Variants in ZNF804B observed in about 807,000 individuals in gnomAD.
ZNF804B encodes the protein zinc finger protein 804B.
A neutral mutation model predicts 101.4 loss-of-function variants in ZNF804B; 80 were observed. That is an observed-to-expected ratio of 0.79 (90% CI 0.66 to 0.95). ZNF804B has a LOEUF of 0.95. Ranked by LOEUF, ZNF804B falls within the 40% of genes least tolerant of loss-of-function variation. ZNF804B has a pLI of 0.00. For synonymous variants in ZNF804B, 622 were observed against 558.8 expected, an observed-to-expected ratio of 1.11 and a Z score of -1.59; for missense variants, 1,673 against 1,561.9, an observed-to-expected ratio of 1.07 and a Z score of -1.20.
At position 89,005,912 on chromosome 7, in the gene ZNF804B, T is replaced by A. The variant is rs184828173; in HGVS notation, c.109-212243T>A. On this transcript the variant is annotated intron_variant, in intron 1 of 3. Coordinates refer to ENST00000333190, the MANE Select transcript of ZNF804B (RefSeq NM_181646.5). ...ATAAGTGGCAGTTCTCTACAAGACA[T>A]AATTAGTCTTTAATTTACAGAAGAA... Among the ~76,000 whole-genome samples the A allele has an allele frequency of 1.6e-4, 25 of 152,202 alleles. No homozygotes were observed. The East Asian group carries it at 4.8e-3, about 29-fold the overall frequency.
At chr7:89,174,765 C>G (rs560742531) in intron 1 of ZNF804B, among the ~76,000 whole-genome samples, 2 of 151,970 alleles carry the variant, frequency 1.3e-5, no homozygotes, top group East Asian at 3.9e-4. Context: ...TTGTTATTGC[C>G]TGTCTTTTGT....
intron 3 of ZNF804B, among the ~76,000 whole-genome samples, chr7:89,329,498 T>C (rs1237319207): frequency 6.6e-6 from 1 of 151,730 alleles, no homozygotes; most frequent in Non-Finnish European, 1.5e-5. Flanking sequence ...GGCTTCTGAA[T>C]AGGATGATCC....
chr7:89,158,110 A>G (rs1230174170), intron 1 of ZNF804B, among the ~76,000 whole-genome samples: 1 of 152,132 alleles, frequency 6.6e-6, no homozygotes, highest in Admixed American at 6.6e-5. Flanking sequence ...GGGGCTTAAC[A>G]AAAGGATGCA....
chr7:89,335,700 C>T lies in ZNF804B; in HGVS notation c.2718C>T (p.Gly906=). Reference sequence around the variant, plus strand: ...GCCTTCTAAAGAACTGTTCCAGTGGCCCTTCAGAAACCACAGAATCAAACA... The same window carrying T: ...GCCTTCTAAAGAACTGTTCCAGTGGTCCTTCAGAAACCACAGAATCAAACA... ...ISCLLKNCSS[G]PSETTESNTA... is the part of the protein sequence containing the mutation. Residue 906 remains glycine (G), a synonymous_variant, in exon 4 of 4, where the codon GGC becomes GGT. Transcript: ENST00000333190. The T allele has an allele frequency of 6.2e-7, 1 of 1,614,024 alleles. No homozygotes were observed. Among genetic ancestry groups the T allele is most frequent in the Non-Finnish European group, 8.5e-7 (1 of 1,179,974 alleles).
Position 88,863,485 on chromosome 7 carries a change from T to C in ZNF804B, c.108+103401T>C, listed in dbSNP as rs200416257. On this transcript the variant is annotated intron_variant, in intron 1 of 3. Coordinates refer to ENST00000333190, the MANE Select transcript of ZNF804B (RefSeq NM_181646.5). ...CATGGTCTTATGTCCATGTCCATGT[T>C]ACATGTAACTGGAGTTACAAAAGAC... Among the ~76,000 whole-genome samples, 10 of 152,336 alleles carry C rather than the reference T, an allele frequency of 6.6e-5. No homozygotes were observed. The East Asian group carries it at 1.9e-3, about 29-fold the overall frequency.
chr7:88,802,666 A>C (rs1213447348), intron 1 of ZNF804B, among the ~76,000 whole-genome samples: 2 of 152,176 alleles, frequency 1.3e-5, no homozygotes, highest in Non-Finnish European at 1.5e-5. Context: ...AATTTTTTTA[A>C]AGATAATATA....
chr7:89,120,749 T>C (rs138195940), intron 1 of ZNF804B, among the ~76,000 whole-genome samples: 2 of 152,340 alleles, frequency 1.3e-5, no homozygotes, highest in East Asian at 3.9e-4. Flanking sequence ...TTATTGTTTT[T>C]AATTTCCATT....
At chr7:88,986,865 C>T (rs771711097) in intron 1 of ZNF804B, among the ~76,000 whole-genome samples, 14 of 152,064 alleles carry the variant, frequency 9.2e-5, no homozygotes, top group Non-Finnish European at 1.5e-4. Context: ...CAAAGTTGAA[C>T]AAAGCTAAAC....
At chr7:89,017,516 C>G (rs1788587980) in intron 1 of ZNF804B, among the ~76,000 whole-genome samples, 1 of 151,992 alleles carries the variant, frequency 6.6e-6, no homozygotes, top group Non-Finnish European at 1.5e-5. Context: ...TATGATTCCA[C>G]ATGGAGTTGA....
chr7:89,111,177 T>C (rs1034162058), intron 1 of ZNF804B, among the ~76,000 whole-genome samples: 1 of 152,238 alleles, frequency 6.6e-6, no homozygotes, highest in Non-Finnish European at 1.5e-5. Flanking sequence ...TGAATAAAGC[T>C]GCTATAAACA....
In ZNF804B at chr7:88,761,888, C is replaced by T. The variant is rs150156318; in HGVS notation, c.108+1804C>T. ...ATGGTCAAAAAGTGTCCTTTCTCTC[C>T]CACTTTGGTCAGTCATCTCCCAAGA... On this transcript the variant is annotated intron_variant, in intron 1 of 3. Transcript: ENST00000333190. Among the ~76,000 whole-genome samples the T allele has an allele frequency of 1.6e-3, 242 of 152,218 alleles. 2 individuals are homozygous for T. Among genetic ancestry groups the T allele is most frequent in the African/African-American group, 5.4e-3 (224 of 41,526 alleles).
chr7:88,759,777 T>C lies in ZNF804B; in HGVS notation c.-200T>C. 7 of 590,068 alleles carry C rather than the reference T, an allele frequency of 1.2e-5. No homozygotes were observed. The highest frequency in any genetic ancestry group is 1.5e-5 in the Non-Finnish European group (5 of 330,752). 36.6% of individuals were successfully genotyped at this position (590,068 alleles called of 1,614,324 possible). On this transcript the variant is annotated 5_prime_UTR_variant, in exon 1 of 4. Coordinates refer to ENST00000333190, the MANE Select transcript of ZNF804B (RefSeq NM_181646.5). ...TCTGTGCTGTCGCCGCCGCCGCCTC[T>C]GTCAGAGCAGCAGCTGTCGGCAGCA...
chr7:89,249,217 G>A (rs1208827), intron 2 of ZNF804B, among the ~76,000 whole-genome samples: 107,090 of 151,966 alleles, frequency 0.7, 38,743 homozygotes, highest in African/African-American at 0.84. Context: ...TGAACACTCC[G>A]CTGACAGCAT....
intron 1 of ZNF804B, among the ~76,000 whole-genome samples, chr7:88,871,046 T>G (rs1791815660): frequency 6.6e-6 from 1 of 152,188 alleles, no homozygotes; most frequent in Admixed American, 6.5e-5. Context: ...ATTAAAAGAT[T>G]GATAATTCTC....
intron 2 of ZNF804B, among the ~76,000 whole-genome samples, chr7:89,279,686 A>C (rs1371368945): frequency 2.0e-5 from 3 of 152,180 alleles, no homozygotes; most frequent in Non-Finnish European, 2.9e-5. Context: ...CCAGCCTTGC[A>C]TCCCAGGGAT....
intron 1 of ZNF804B, among the ~76,000 whole-genome samples, chr7:88,897,805 T>C (rs926139125): frequency 6.6e-6 from 1 of 152,142 alleles, no homozygotes; most frequent in South Asian, 2.1e-4. Flanking sequence ...GCTGTCTCTA[T>C]TGGAATCCTA....
At chr7:88,821,790 G>T (rs751516789) in intron 1 of ZNF804B, among the ~76,000 whole-genome samples, 1 of 152,052 alleles carries the variant, frequency 6.6e-6, no homozygotes, top group Non-Finnish European at 1.5e-5. Context: ...TTCAGCTCAC[G>T]TAACATAGTT....
At chr7:88,965,021 G>T (rs371124587) in intron 1 of ZNF804B, among the ~76,000 whole-genome samples, 2 of 151,354 alleles carry the variant, frequency 1.3e-5, no homozygotes, top group East Asian at 2.0e-4. Context: ...AACATATAAG[G>T]TGCCAATACT....
At chr7:89,164,440 T>C (rs1231631355) in intron 1 of ZNF804B, among the ~76,000 whole-genome samples, 1 of 152,064 alleles carries the variant, frequency 6.6e-6, no homozygotes, top group Non-Finnish European at 1.5e-5. Flanking sequence ...TGTAAAGCAA[T>C]CAAAATGCTA....
Sources: gnomAD v4.1 joint callset for allele counts (sites outside exome capture counted in the v4.1 genomes callset) on GRCh38, gnomAD v4.1.1 for gene constraint, MANE v1.5 for transcripts, NCBI Gene and HGNC (gene_info 2026-07-23, HGNC 2026-07-21) for gene names.